TRERF1: variants seen among roughly 807,000 people sequenced by gnomAD.
TRERF1 encodes transcriptional-regulating factor 1.
TRERF1 carries 27 observed loss-of-function variants against 122.9 expected under a neutral mutation model. The ratio of observed to expected loss-of-function variants is 0.22; its 90% confidence interval spans 0.16 to 0.30. The LOEUF (loss-of-function observed/expected upper bound fraction) is 0.30, where lower values mean the gene tolerates loss of function less well. TRERF1 is among the 10% of genes least tolerant of loss of function. The pLI is 1.00. For missense variants in TRERF1, 1,248 were observed against 1,560.3 expected (o/e 0.80, Z 3.37); for synonymous variants, 636 against 641.7 (o/e 0.99, Z 0.13).
At chr6:42,234,630 C>T (rs991245354) in intron 16 of TRERF1, among the ~76,000 whole-genome samples, 20 of 152,140 alleles carry the variant, frequency 1.3e-4, no homozygotes, top group African/African-American at 2.7e-4. Context: ...CGTGAGCCAC[C>T]GCGCCTGGCC....
Position 42,237,982 on chromosome 6 carries a change from G to A in TRERF1, c.2860-1571C>T, listed in dbSNP as rs551122005. ...TGATCACATTTGTTAGAAGACCTCAGTGAACACTGATGTAGGCCTAGTACA... is the reference window on the plus strand; with the variant it reads ...TGATCACATTTGTTAGAAGACCTCAATGAACACTGATGTAGGCCTAGTACA... On this transcript the variant is annotated intron_variant, in intron 15 of 17. Transcript: ENST00000372922. Among the ~76,000 whole-genome samples the A allele has an allele frequency of 2.0e-5, 3 of 152,342 alleles. No homozygotes were observed. The East Asian group carries it at 5.8e-4, about 29-fold the overall frequency.
At chr6:42,311,781 AAAAAAAAAAG>A (rs1300539143) in intron 3 of TRERF1, among the ~76,000 whole-genome samples, 1 of 148,602 alleles carries the variant, frequency 6.7e-6, no homozygotes, top group Non-Finnish European at 1.5e-5. Context: ...AAAAAAAAAA[AAAAAAAAAAG>A]AGATCATGGA....
At chr6:42,297,843 A>C (rs1785368454) in intron 4 of TRERF1, among the ~76,000 whole-genome samples, 1 of 152,216 alleles carries the variant, frequency 6.6e-6, no homozygotes, top group Non-Finnish European at 1.5e-5. Flanking sequence ...AATTCACAGG[A>C]AACAAGGCAT....
chr6:42,382,232 G>A (rs926946178), intron 2 of TRERF1, among the ~76,000 whole-genome samples: 3 of 151,730 alleles, frequency 2.0e-5, no homozygotes, highest in African/African-American at 7.3e-5. Flanking sequence ...GACGGCACAG[G>A]AGACTCATAG....
At chr6:42,426,019 C>T (rs892032619) in intron 2 of TRERF1, among the ~76,000 whole-genome samples, 3 of 152,068 alleles carry the variant, frequency 2.0e-5, no homozygotes, top group Non-Finnish European at 4.4e-5. Context: ...TTTGCACTGA[C>T]ATACATACTT....
rs1779303824 is a variant in TRERF1, at chr6:42,401,031, G to A, written c.-453-37952C>T. On this transcript the variant is annotated intron_variant, in intron 2 of 17. Coordinates refer to ENST00000372922, the Ensembl canonical transcript of TRERF1. ...GTGAACTAAACTGCAGGGGCCCCTG[G>A]CCATCCTCCCAATGCACCAGAAAAG... Among the ~76,000 whole-genome samples, 4 of 152,288 alleles carry A rather than the reference G, an allele frequency of 2.6e-5. No homozygotes were observed. The Middle Eastern group carries it at 0.014, about 518-fold the overall frequency.
intron 15 of TRERF1, among the ~76,000 whole-genome samples, chr6:42,236,880 A>G (rs566204140): frequency 1.3e-5 from 2 of 152,334 alleles, no homozygotes; most frequent in East Asian, 3.9e-4. Context: ...TTTGTTTTAG[A>G]GGCTTTATAA....
At chr6:42,327,236 C>T (rs1764443193) in intron 3 of TRERF1, among the ~76,000 whole-genome samples, 1 of 152,228 alleles carries the variant, frequency 6.6e-6, no homozygotes, top group South Asian at 2.1e-4. Context: ...TGACATCCTG[C>T]ATCTGTGCCC....
intron 16 of TRERF1, among the ~76,000 whole-genome samples, chr6:42,235,001 T>A (rs1015336743): frequency 1.2e-4 from 18 of 152,148 alleles, no homozygotes; most frequent in Non-Finnish European, 2.1e-4. Flanking sequence ...AATGGCCAGG[T>A]CATTAAACAT....
At chr6:42,379,278 T>C (rs1775480861) in intron 2 of TRERF1, among the ~76,000 whole-genome samples, 1 of 151,882 alleles carries the variant, frequency 6.6e-6, no homozygotes, top group Non-Finnish European at 1.5e-5. Flanking sequence ...GCTCAGGAAA[T>C]GTTGCCAGCC....
chr6:42,437,281 T>G (rs1404570837), intron 2 of TRERF1, among the ~76,000 whole-genome samples: 1 of 152,032 alleles, frequency 6.6e-6, no homozygotes, highest in African/African-American at 2.4e-5. Flanking sequence ...GAGAGCACAT[T>G]CAGCCCCAAA....
At chr6:42,419,754 C>A (rs1208611349) in intron 2 of TRERF1, among the ~76,000 whole-genome samples, 1 of 152,162 alleles carries the variant, frequency 6.6e-6, no homozygotes, top group African/African-American at 2.4e-5. Flanking sequence ...GTCATTGGCT[C>A]TGGAAGGAAA....
rs1777533933 is a variant in TRERF1 at position 42,259,982 on chromosome 6, G to A, written c.1885-259C>T. On this transcript the variant is annotated intron_variant, in intron 8 of 17. Transcript: ENST00000372922. The surrounding 1 kb of genome is among the most constrained non-coding windows in gnomAD (Gnocchi z 4.9). The stretch of plus-strand genomic sequence containing the variant: ...TGGGGGTGGTAGGAATAGTGGGTGG[G>A]CAAGAAGTAATAAATTCAAATTCTT... Among the ~76,000 whole-genome samples, 1 of 152,060 alleles carries A rather than the reference G, an allele frequency of 6.6e-6. No homozygotes were observed. The highest frequency in any genetic ancestry group is 2.4e-5 in the African/African-American group (1 of 41,388).
chr6:42,254,920 G>C (rs778646063), exon 13 of TRERF1: 1 of 1,614,172 alleles, frequency 6.2e-7, no homozygotes, highest in East Asian at 2.2e-5. Context: ...AGCATTTCCA[G>C]AGCAACCTGC....
chr6:42,245,936 C>T (rs771385615), intron 14 of TRERF1, among the ~76,000 whole-genome samples: 6 of 152,082 alleles, frequency 3.9e-5, no homozygotes, highest in African/African-American at 9.7e-5. Flanking sequence ...GGTAAAGCCC[C>T]GCCTCTACTA....
intron 2 of TRERF1, among the ~76,000 whole-genome samples, chr6:42,415,568 G>A (rs1400571570): frequency 1.3e-5 from 2 of 152,122 alleles, no homozygotes; most frequent in Non-Finnish European, 2.9e-5. Context: ...ATGTATTAGG[G>A]ATCCTGCTCT....
At chr6:42,389,234 C>G (rs138666572) in intron 2 of TRERF1, among the ~76,000 whole-genome samples, 2 of 152,246 alleles carry the variant, frequency 1.3e-5, no homozygotes, top group Non-Finnish European at 2.9e-5. Flanking sequence ...CGAGGTACCT[C>G]TGTGTGTCAG....
At chr6:42,286,222 T>C (rs908004741) in intron 4 of TRERF1, among the ~76,000 whole-genome samples, 4 of 147,180 alleles carry the variant, frequency 2.7e-5, no homozygotes, top group South Asian at 2.2e-4. Flanking sequence ...ATTGAGGACA[T>C]AGGCATGGGC....
rs906991525 is a variant in TRERF1, at chr6:42,275,930, T to C, written c.-258-6082A>G. The stretch of plus-strand genomic sequence containing the variant: ...ATGAATGGGCGTGGCTGTGTTCCAA[T>C]ACAACTTTATTTATGGACGCTGAAA... On this transcript the variant is annotated intron_variant, in intron 4 of 17. Coordinates refer to ENST00000372922, the Ensembl canonical transcript of TRERF1. The surrounding 1 kb of genome is among the most constrained non-coding windows in gnomAD (Gnocchi z 4.1). 2.6e-5 allele frequency among the ~76,000 whole-genome samples: 4 copies of C among 152,254 alleles called. No individual in the cohort carries two copies. The highest frequency in any genetic ancestry group is 5.9e-5 in the Non-Finnish European group (4 of 68,052).
Sources: gnomAD v4.1 joint callset for allele counts (sites outside exome capture counted in the v4.1 genomes callset) on GRCh38, gnomAD v4.1.1 for gene constraint, Gnocchi (gnomAD v3.1) non-coding constraint, MANE v1.5 for transcripts, NCBI Gene and HGNC (gene_info 2026-07-23, HGNC 2026-07-21) for gene names.